The following ACYP1 variants were observed in gnomAD, a reference collection of about 807,000 sequenced individuals.
ACYP1 encodes the protein acylphosphatase 1, also known as acylphosphatase-1.
A neutral mutation model predicts 10.4 loss-of-function variants in ACYP1; 8 were observed. The ratio of observed to expected loss-of-function variants is 0.77; its 90% CI spans 0.45 to 1.38. The LOEUF (loss-of-function observed/expected upper bound fraction) is 1.38, where lower values mean the gene tolerates loss of function less well. Among genes scored for constraint, ACYP1 ranks in the 40% most tolerant of loss-of-function variants. ACYP1 has a pLI of 0.00. For synonymous variants in ACYP1, 38 were observed against 40.8 expected (o/e 0.93, Z 0.26); for missense variants, 93 against 117.3 (o/e 0.79, Z 0.96).
intron 2 of ACYP1, among the ~76,000 whole-genome samples, chr14:75,054,034 T>C (rs987576393): frequency 1.3e-5 from 2 of 152,236 alleles, no homozygotes; most frequent in Non-Finnish European, 2.9e-5. Flanking sequence ...CAAGAATCTA[T>C]TGGGTATGTT....
At chr14:75,069,462 C>A (rs976901746) in exon 1 of ACYP1, 2 of 535,988 alleles carry the variant, frequency 3.7e-6, no homozygotes. Flanking sequence ...AGGGCTGGAC[C>A]GAGCTGCAGA....
intron 2 of ACYP1, among the ~76,000 whole-genome samples, chr14:75,062,297 G>A (rs186592475): frequency 6.0e-5 from 9 of 150,782 alleles, no homozygotes; most frequent in Admixed American, 1.3e-4. Flanking sequence ...TGGGTGTGGC[G>A]GCATGCACCT....
intron 2 of ACYP1, among the ~76,000 whole-genome samples, chr14:75,058,088 T>TGAG (rs1210777672): frequency 2.0e-5 from 3 of 148,810 alleles, no homozygotes; most frequent in African/African-American, 7.5e-5. Flanking sequence ...TGGCATCAGG[T>TGAG]GAGGGCCTTA....
chr14:75,054,708 C>T (rs1314710568), intron 2 of ACYP1, among the ~76,000 whole-genome samples: 1 of 151,406 alleles, frequency 6.6e-6, no homozygotes, highest in Non-Finnish European at 1.5e-5. Context: ...AAGACATGTT[C>T]AAAGCAAAGA....
chr14:75,065,299 C>A (rs1321571033), upstream of ACYP1, among the ~76,000 whole-genome samples: 1 of 152,194 alleles, frequency 6.6e-6, no homozygotes, highest in Admixed American at 6.5e-5. Context: ...GCAGACTTGA[C>A]AATGAGATAT....
intron 2 of ACYP1, among the ~76,000 whole-genome samples, chr14:75,061,078 A>C (rs1278213134): frequency 6.6e-6 from 1 of 151,238 alleles, no homozygotes; most frequent in Admixed American, 6.6e-5. Context: ...ACTCTGTCTC[A>C]ACAACAACAA....
chr14:75,053,591 T>C lies in ACYP1; in HGVS notation c.153A>G (p.Gln51=). ...QNTDRGTVQG[Q]LQGPISKVRH... ...GCACCTTGGAGATGGGACCTTGCAA[T>C]TGTCCTTGCACTGTGCCCCGGTCAG... The change falls in exon 3 of 3, where the codon CAA becomes CAG. Residue 51 remains glutamine (Q), a synonymous_variant. Coordinates refer to ENST00000238618, the MANE Select transcript of ACYP1 (RefSeq NM_001107.5). The C allele has an allele frequency of 6.2e-7, 1 of 1,614,178 alleles. No homozygotes were observed. The highest frequency in any genetic ancestry group is 1.3e-5 in the African/African-American group (1 of 75,034).
upstream of ACYP1, chr14:75,064,331 A>C (rs1271549819): frequency 6.6e-6 from 1 of 152,240 alleles, no homozygotes; most frequent in African/African-American, 2.4e-5. Context: ...CATTCAATTA[A>C]ATACTGACTG....
intron 2 of ACYP1, among the ~76,000 whole-genome samples, chr14:75,061,991 C>T (rs1477976667): frequency 1.3e-5 from 2 of 148,234 alleles, no homozygotes; most frequent in East Asian, 3.9e-4. Context: ...ATCTCAGCTA[C>T]TTGGGAAGCT....
At chr14:75,058,176 C>T (rs1049155463) in intron 2 of ACYP1, among the ~76,000 whole-genome samples, 2 of 149,920 alleles carry the variant, frequency 1.3e-5, no homozygotes, top group Non-Finnish European at 3.0e-5. Context: ...TCACCGGGCA[C>T]GGTGGCTCAC....
upstream of ACYP1, among the ~76,000 whole-genome samples, chr14:75,065,938 T>C (rs1388848976): frequency 1.3e-5 from 2 of 152,218 alleles, no homozygotes; most frequent in African/African-American, 4.8e-5. Flanking sequence ...TAGAGTAATG[T>C]AGTACCATGG....
intron 2 of ACYP1, 172 bp downstream of exon 2, chr14:75,063,298 A>C: frequency 3.3e-6 from 2 of 605,102 alleles, no homozygotes; most frequent in Non-Finnish European, 6.0e-6. Context: ...TTCCATTTAC[A>C]CCATGTTTTA....
intron 2 of ACYP1, among the ~76,000 whole-genome samples, chr14:75,055,537 T>A (rs1892857447): frequency 6.6e-6 from 1 of 151,492 alleles, no homozygotes; most frequent in Non-Finnish European, 1.5e-5. Context: ...CAGTTTTGAA[T>A]ATCTATTGCA....
chr14:75,053,519 G>A lies in ACYP1; in HGVS notation c.225C>T (p.His75=), dbSNP rs1266104347. The change falls in exon 3 of 3, where the codon CAC becomes CAT. Residue 75 remains histidine, a synonymous_variant. Coordinates refer to ENST00000238618, the MANE Select transcript of ACYP1 (RefSeq NM_001107.5). ...CATTGTTGAAGTTTGCTTTGTCGAT[G>A]TGTGATTTAGGACTTCCTCTTGTTT... ...WLETRGSPKS[H]IDKANFNNEK... 3 of 1,614,178 alleles carry A rather than the reference G, an allele frequency of 1.9e-6. No individual in the cohort carries two copies. Among genetic ancestry groups the A allele is most frequent in the East Asian group, 4.5e-5 (2 of 44,886 alleles).
Position 75,063,580 on chromosome 14 carries a change from G to A in ACYP1, c.-8-19C>T. The A allele has an allele frequency of 1.2e-6, 2 of 1,602,682 alleles. No individual in the cohort carries two copies. The highest frequency in any genetic ancestry group is 1.7e-6 in the Non-Finnish European group (2 of 1,171,112). On this transcript the variant is annotated intron_variant, in intron 1 of 2. Coordinates refer to ENST00000238618, the MANE Select transcript of ACYP1 (RefSeq NM_001107.5). ...CTCAAACCTGTCAGAAACCAGGAAA[G>A]CAGAAGAGTGAAGGGCTATTATTCC...
rs138330059 is a variant in ACYP1, at chr14:75,059,921, A to G, written c.84+3549T>C. ...AGGTAACTAGAGCAGTTGAATTAAT[A>G]GAATGTAGATTTATGATTGTCAGGG... is the stretch of plus-strand genomic sequence containing the variant. On this transcript the variant is annotated intron_variant, in intron 2 of 2. Coordinates refer to ENST00000238618, the MANE Select transcript of ACYP1 (RefSeq NM_001107.5). 1.2e-4 allele frequency: 26 copies of G among 218,242 alleles called. No homozygotes were observed. In the East Asian group the frequency reaches 2.6e-3, roughly 22 times the overall value. 13.5% of individuals were successfully genotyped at this position (218,242 alleles called of 1,614,324 possible).
At chr14:75,055,172 C>T (rs1187906337) in intron 2 of ACYP1, among the ~76,000 whole-genome samples, 1 of 149,542 alleles carries the variant, frequency 6.7e-6, no homozygotes, top group Admixed American at 6.6e-5. Context: ...CTGCAAGCTC[C>T]GCCTCCCAGG....
chr14:75,057,423 C>T (rs1892902673), intron 2 of ACYP1, among the ~76,000 whole-genome samples: 2 of 151,502 alleles, frequency 1.3e-5, no homozygotes, highest in Non-Finnish European at 2.9e-5. Flanking sequence ...GATATTACTA[C>T]CCAATTGATC....
chr14:75,053,349 T>C lies in ACYP1; in HGVS notation c.*95A>G. On this transcript the variant is annotated 3_prime_UTR_variant, in exon 3 of 3. Transcript: ENST00000238618. Reference sequence around the variant, plus strand: ...AAAATCTGACATTAAAATAACTTATTGACTAATGCTAATATTAACACACAA... The same window carrying C: ...AAAATCTGACATTAAAATAACTTATCGACTAATGCTAATATTAACACACAA... The C allele has an allele frequency of 9.1e-7, 1 of 1,100,634 alleles. No individual in the cohort carries two copies. Among genetic ancestry groups the C allele is most frequent in the Non-Finnish European group, 1.3e-6 (1 of 740,778 alleles). The allele number at this position is 1,100,634 out of a possible 1,614,324, so 68.2% of individuals were successfully genotyped here.
Sources: gnomAD v4.1 joint callset for allele counts (sites outside exome capture counted in the v4.1 genomes callset) on GRCh38, gnomAD v4.1.1 for gene constraint, MANE v1.5 for transcripts, NCBI Gene and HGNC (gene_info 2026-07-23, HGNC 2026-07-21) for gene names.